Variants in PIERCE2 observed in about 807,000 individuals in gnomAD.
The protein encoded by PIERCE2 is piercer of microtubule wall 2.
At chr15:55,415,834 C>T in the PIERCE2 span, among the ~76,000 whole-genome samples, 1 of 152,126 alleles carries the variant, frequency 6.6e-6, no homozygotes, top group Admixed American at 6.6e-5. Context: ...GTTTTTACCT[C>T]TTCTTTCTTT....
chr15:55,413,693 G>C, the PIERCE2 span, among the ~76,000 whole-genome samples: 2 of 145,228 alleles, frequency 1.4e-5, no homozygotes, highest in Admixed American at 7.2e-5. Context: ...CTGGGAGGCA[G>C]AGGTTGCAGT....
At chr15:55,418,339 C>G in the PIERCE2 span, 1 of 1,540,798 alleles carries the variant, frequency 6.5e-7, no homozygotes, top group Non-Finnish European at 8.8e-7. Context: ...CAAAGACACT[C>G]CAGACAGCCA....
chr15:55,410,223 A>G, the PIERCE2 span, among the ~76,000 whole-genome samples: 3 of 152,208 alleles, frequency 2.0e-5, no homozygotes, highest in Non-Finnish European at 4.4e-5. Flanking sequence ...AATTATGCCA[A>G]CAAAGTTTAT....
chr15:55,418,674 A>G, the PIERCE2 span: 1 of 795,722 alleles, frequency 1.3e-6, no homozygotes, highest in Non-Finnish European at 1.9e-6. Flanking sequence ...TTTTGAATCA[A>G]TTTTTAAAAT....
the PIERCE2 span, chr15:55,418,099 G>A: frequency 1.3e-6 from 2 of 1,584,822 alleles, no homozygotes; most frequent in Non-Finnish European, 1.7e-6. Context: ...GGGCTCAGAG[G>A]CCTGACATTC....
the PIERCE2 span, among the ~76,000 whole-genome samples, chr15:55,409,418 T>C: frequency 1.3e-5 from 2 of 151,816 alleles, no homozygotes; most frequent in Admixed American, 1.3e-4. Flanking sequence ...AAAAAAAAAA[T>C]CTTACATTTA....
At chr15:55,413,597 A>G in the PIERCE2 span, among the ~76,000 whole-genome samples, 5 of 151,946 alleles carry the variant, frequency 3.3e-5, no homozygotes, top group Admixed American at 6.6e-5. Flanking sequence ...TGTCTCTACT[A>G]AAAATACAAA....
At chr15:55,409,348 T>C in the PIERCE2 span, among the ~76,000 whole-genome samples, 2 of 151,898 alleles carry the variant, frequency 1.3e-5, no homozygotes, top group Admixed American at 1.3e-4. Flanking sequence ...GAGGTTGCAG[T>C]GAGCCGAGAT....
chr15:55,415,504 C>G, the PIERCE2 span, among the ~76,000 whole-genome samples: 1 of 151,606 alleles, frequency 6.6e-6, no homozygotes, highest in African/African-American at 2.4e-5. Context: ...CTTTATTCGG[C>G]CATTCGGCAA....
At chr15:55,418,670 A>G in the PIERCE2 span, 1 of 837,732 alleles carries the variant, frequency 1.2e-6, no homozygotes, top group South Asian at 2.2e-5. Flanking sequence ...AAAGTTTTGA[A>G]TCAATTTTTA....
At chr15:55,418,289 G>A in the PIERCE2 span, 3 of 1,550,318 alleles carry the variant, frequency 1.9e-6, no homozygotes, top group South Asian at 2.4e-5. Flanking sequence ...GCCTCCTTGT[G>A]TGAACCCTGG....
At chr15:55,414,334 C>T in the PIERCE2 span, among the ~76,000 whole-genome samples, 6 of 151,558 alleles carry the variant, frequency 4.0e-5, no homozygotes, top group Admixed American at 6.6e-5. Flanking sequence ...CTCAGCCTCC[C>T]GAGTAGCTGG....
chr15:55,417,970 A>T, the PIERCE2 span: 4 of 647,366 alleles, frequency 6.2e-6, no homozygotes, highest in Admixed American at 3.6e-5. Context: ...GAATTTCACA[A>T]GGTAATGTCA....
the PIERCE2 span, chr15:55,418,397 C>T: frequency 6.5e-7 from 1 of 1,533,726 alleles, no homozygotes. Context: ...CAATTCAAGT[C>T]ATTATGGTGA....
At chr15:55,415,126 T>G in the PIERCE2 span, among the ~76,000 whole-genome samples, 1 of 152,098 alleles carries the variant, frequency 6.6e-6, no homozygotes, top group Non-Finnish European at 1.5e-5. Flanking sequence ...CTATTAGTAT[T>G]GTAGCAGGAC....
At chr15:55,408,761 G>C in the PIERCE2 span, 1 of 1,527,228 alleles carries the variant, frequency 6.5e-7, no homozygotes, top group South Asian at 1.2e-5. Context: ...TAACAAAGAA[G>C]AGCGAAAATG....
the PIERCE2 span, among the ~76,000 whole-genome samples, chr15:55,411,393 C>T: frequency 2.0e-5 from 3 of 151,946 alleles, no homozygotes; most frequent in Admixed American, 2.0e-4. Flanking sequence ...GAACCTGGGA[C>T]GCAGAGGTTA....
chr15:55,416,107 G>GAA, the PIERCE2 span, among the ~76,000 whole-genome samples: 1 of 146,214 alleles, frequency 6.8e-6, no homozygotes, highest in African/African-American at 2.5e-5. Flanking sequence ...TATATATATA[G>GAA]AGAGAGAGAG....
At chr15:55,416,091 C>T in the PIERCE2 span, among the ~76,000 whole-genome samples, 1 of 148,842 alleles carries the variant, frequency 6.7e-6, no homozygotes, top group Non-Finnish European at 1.5e-5. Flanking sequence ...TTTTTTTAAA[C>T]ATTGTTATAT....
Sources: gnomAD v4.1 joint callset for allele counts (sites outside exome capture counted in the v4.1 genomes callset) on GRCh38, gnomAD v4.1.1 for gene constraint, MANE v1.5 for transcripts, NCBI Gene and HGNC (gene_info 2026-07-23, HGNC 2026-07-21) for gene names.